Variants in PIK3R3 observed in about 807,000 individuals in gnomAD.
The protein encoded by PIK3R3 is phosphoinositide-3-kinase regulatory subunit 3.
Under a neutral mutation model 62.9 loss-of-function variants are expected in PIK3R3, and 64 were observed. The observed-to-expected ratio is 1.02, with a 90% CI of 0.83 to 1.25. The LOEUF (loss-of-function observed/expected upper bound fraction) is 1.25. Ranked by LOEUF, PIK3R3 falls within the 50% of genes most tolerant of loss-of-function variation. The pLI, the probability that PIK3R3 is intolerant of heterozygous loss-of-function variation, is 0.00. For synonymous variants in PIK3R3, 165 were observed against 189.0 expected (o/e 0.87, Z 1.04); for missense variants, 614 against 561.6 (o/e 1.09, Z -0.94).
intron 2 of PIK3R3, 151 bp from the exon 3 acceptor site, chr1:46,077,764 A>G (rs1390872333): frequency 1.7e-6 from 1 of 577,566 alleles, no homozygotes; most frequent in African/African-American, 1.9e-5. Context: ...GAGGTCATTT[A>G]GTTCTTCCCT....
At chr1:46,132,713 C>T, upstream of PIK3R3, 6 of 1,289,046 alleles carry the variant, frequency 4.7e-6, no homozygotes, top group Non-Finnish European at 6.1e-6. Context: ...TGAGGCGCCA[C>T]CCAACCGCGC....
chr1:46,162,008 T>C, the PIK3R3 span, among the ~76,000 whole-genome samples: 16 of 149,434 alleles, frequency 1.1e-4, no homozygotes, highest in South Asian at 4.2e-4. Flanking sequence ...AGGAGAATGG[T>C]GTGAACCCGG....
At chr1:46,125,175 C>T (rs1406797393) in intron 1 of PIK3R3, among the ~76,000 whole-genome samples, 1 of 151,918 alleles carries the variant, frequency 6.6e-6, no homozygotes, top group African/African-American at 2.4e-5. Flanking sequence ...ATTTTAAAAG[C>T]ATTATCAAAT....
At chr1:46,126,879 T>G (rs114557492) in intron 1 of PIK3R3, among the ~76,000 whole-genome samples, 1 of 152,148 alleles carries the variant, frequency 6.6e-6, no homozygotes. Context: ...TATAATCCAC[T>G]TAAAGAGAAG....
chr1:46,138,031 C>T (rs1027741361), upstream of PIK3R3, among the ~76,000 whole-genome samples: 8 of 152,184 alleles, frequency 5.3e-5, no homozygotes, highest in East Asian at 1.9e-4. Flanking sequence ...CGCTGAGTTC[C>T]GCTGCCCTTT....
At chr1:46,115,412 TAGAAA>T (rs1654100372) in intron 1 of PIK3R3, among the ~76,000 whole-genome samples, 4 of 152,202 alleles carry the variant, frequency 2.6e-5, no homozygotes, top group Non-Finnish European at 4.4e-5. Context: ...GAAAATGTAC[TAGAAA>T]ATACAGCCTA....
intron 3 of PIK3R3, among the ~76,000 whole-genome samples, chr1:46,075,737 A>AT (rs1650009239): frequency 6.6e-6 from 1 of 152,218 alleles, no homozygotes; most frequent in East Asian, 1.9e-4. Context: ...ATATGAGGGG[A>AT]TTTATCAGGG....
Position 46,044,156 on chromosome 1 carries a change from G to T in PIK3R3, c.1188-285C>A, listed in dbSNP as rs1416116080. Reference sequence around the variant, plus strand: ...AGTGGCTTGATTACAGCTCACTGCAGCCTTGAACTCCTGGGCTCAAGTGAT... The same window carrying T: ...AGTGGCTTGATTACAGCTCACTGCATCCTTGAACTCCTGGGCTCAAGTGAT... On this transcript the variant is annotated intron_variant, in intron 9 of 9. Transcript: ENST00000262741. This position sits in a 1 kb window ranked among gnomAD's most constrained non-coding sequence, Gnocchi z 4.2. Among the ~76,000 whole-genome samples, 1 of 151,634 alleles carries T rather than the reference G, an allele frequency of 6.6e-6. No homozygotes were observed. Among genetic ancestry groups the T allele is most frequent in the Non-Finnish European group, 1.5e-5 (1 of 67,960 alleles).
At chr1:46,045,365 A>C (rs1647081113) in intron 9 of PIK3R3, among the ~76,000 whole-genome samples, 1 of 152,180 alleles carries the variant, frequency 6.6e-6, no homozygotes, top group Admixed American at 6.5e-5. Flanking sequence ...AATCTGACTG[A>C]AGCACAGTTA....
At chr1:46,091,270 A>G (rs1357115982) in intron 1 of PIK3R3, among the ~76,000 whole-genome samples, 1 of 151,108 alleles carries the variant, frequency 6.6e-6, no homozygotes, top group Non-Finnish European at 1.5e-5. Flanking sequence ...CCTCCCAAGG[A>G]GCTGGGACTA....
chr1:46,077,467 T>G (rs557650150), intron 3 of PIK3R3, 48 bp downstream of exon 3: 3 of 940,958 alleles, frequency 3.2e-6, no homozygotes, highest in Non-Finnish European at 5.2e-6. Context: ...TACCCAGAAC[T>G]AAAATAACAT....
upstream of PIK3R3, among the ~76,000 whole-genome samples, chr1:46,133,471 T>C (rs1355641): frequency 6.6e-6 from 1 of 152,092 alleles, no homozygotes; most frequent in Non-Finnish European, 1.5e-5. Flanking sequence ...TTCTGGTCCT[T>C]AGGAGGTCTC....
At chr1:46,155,629 G>T in the PIK3R3 span, among the ~76,000 whole-genome samples, 2 of 151,764 alleles carry the variant, frequency 1.3e-5, no homozygotes, top group Non-Finnish European at 2.9e-5. Context: ...TATATTTTTT[G>T]TTTGTTTGTT....
At chr1:46,161,516 G>C in the PIK3R3 span, among the ~76,000 whole-genome samples, 2 of 152,172 alleles carry the variant, frequency 1.3e-5, no homozygotes, top group Non-Finnish European at 2.9e-5. Context: ...TATATGTCAA[G>C]ATCCTTAAAA....
At chr1:46,089,697 AGAGT>A (rs1651430114) in intron 1 of PIK3R3, among the ~76,000 whole-genome samples, 1 of 151,158 alleles carries the variant, frequency 6.6e-6, no homozygotes, top group Non-Finnish European at 1.5e-5. Context: ...CCTAGGCAAC[AGAGT>A]GAGACTCCAT....
Position 46,132,014 on chromosome 1 carries a change from T to A in PIK3R3, c.-62A>T. On this transcript the variant is annotated 5_prime_UTR_variant, in exon 1 of 10. Transcript: ENST00000262741. Reference sequence around the variant, plus strand: ...AAGGCATATATTTTTTATCTGGTATTTAAAAATCTAAAAATATATATCTGC... The same window carrying A: ...AAGGCATATATTTTTTATCTGGTATATAAAAATCTAAAAATATATATCTGC... 6.3e-7 allele frequency: 1 copy of A among 1,583,282 alleles called. No homozygotes were observed. Among genetic ancestry groups the A allele is most frequent in the Non-Finnish European group, 8.6e-7 (1 of 1,167,930 alleles).
chr1:46,107,664 T>C (rs1199436006), intron 1 of PIK3R3, among the ~76,000 whole-genome samples: 1 of 152,210 alleles, frequency 6.6e-6, no homozygotes, highest in African/African-American at 2.4e-5. Flanking sequence ...AGTTCAAATA[T>C]GATTATCTCC....
At chr1:46,145,279 T>G in the PIK3R3 span, among the ~76,000 whole-genome samples, 3 of 151,700 alleles carry the variant, frequency 2.0e-5, no homozygotes, top group Non-Finnish European at 2.9e-5. Flanking sequence ...GTCAAGGGAG[T>G]CTTTGTATAC....
At chr1:46,142,033 C>A in the PIK3R3 span, among the ~76,000 whole-genome samples, 17 of 152,322 alleles carry the variant, frequency 1.1e-4, no homozygotes, top group African/African-American at 4.1e-4. Flanking sequence ...GTGACCTCTC[C>A]TTTTACTTGA....
Sources: gnomAD v4.1 joint callset for allele counts (sites outside exome capture counted in the v4.1 genomes callset) on GRCh38, gnomAD v4.1.1 for gene constraint, Gnocchi (gnomAD v3.1) non-coding constraint, MANE v1.5 for transcripts, NCBI Gene and HGNC (gene_info 2026-07-23, HGNC 2026-07-21) for gene names.